ANKRD31: variants seen among roughly 807,000 people sequenced by gnomAD.
ANKRD31 encodes ankyrin repeat domain-containing protein 31.
A neutral mutation model predicts 186.0 loss-of-function variants in ANKRD31; 147 were observed. The observed-to-expected ratio is 0.79, with a 90% CI of 0.69 to 0.91. The LOEUF is 0.91. ANKRD31 is among the 40% of genes least tolerant of loss of function. The probability of loss-of-function intolerance (pLI) is 0.00; values close to 1 mark genes in which losing one functional copy is unlikely to be tolerated. For synonymous variants in ANKRD31, 673 were observed against 736.4 expected (o/e 0.91, Z 1.39); for missense variants, 1,986 against 2,148.8 (o/e 0.92, Z 1.50).
intron 17 of ANKRD31, among the ~76,000 whole-genome samples, chr5:75,118,684 T>C (rs1748500895): frequency 6.6e-6 from 1 of 152,226 alleles, no homozygotes; most frequent in Admixed American, 6.5e-5. Flanking sequence ...ATGTGGCTAA[T>C]GTGACTGAAG....
At chr5:75,156,324 TG>T (rs1281168017) in intron 11 of ANKRD31, among the ~76,000 whole-genome samples, 1 of 152,174 alleles carries the variant, frequency 6.6e-6, no homozygotes, top group African/African-American at 2.4e-5. Context: ...CTGAGATGTG[TG>T]TGTATGTATG....
intron 10 of ANKRD31, among the ~76,000 whole-genome samples, chr5:75,173,335 T>C (rs1753504945): frequency 6.6e-6 from 1 of 152,126 alleles, no homozygotes; most frequent in Non-Finnish European, 1.5e-5. Context: ...ATGATAAGGA[T>C]ACCCTCTCTC....
intron 11 of ANKRD31, among the ~76,000 whole-genome samples, chr5:75,159,248 T>C (rs1334503290): frequency 6.6e-6 from 1 of 152,052 alleles, no homozygotes; most frequent in African/African-American, 2.4e-5. Context: ...AGGGCACCAT[T>C]AAGCACAACA....
In ANKRD31 at chr5:75,211,261, T is replaced by C. The variant is rs935663477; in HGVS notation, c.289-396A>G. 5.3e-5 allele frequency among the ~76,000 whole-genome samples: 8 copies of C among 152,258 alleles called. No individual in the cohort carries two copies. The South Asian group carries it at 1.2e-3, about 24-fold the overall frequency. On this transcript the variant is annotated intron_variant, in intron 3 of 25. Transcript: ENST00000506364. ...GAGATACAAAATTTTAATCATTCTGTGACTAGTTTATTTCACTTAGTATTC... is the reference window on the plus strand; with the variant it reads ...GAGATACAAAATTTTAATCATTCTGCGACTAGTTTATTTCACTTAGTATTC...
intron 23 of ANKRD31, among the ~76,000 whole-genome samples, chr5:75,085,398 T>G (rs1041644878): frequency 6.6e-6 from 1 of 151,720 alleles, no homozygotes; most frequent in Non-Finnish European, 1.5e-5. Context: ...TGAGAGAGTC[T>G]TACTCTGTCA....
chr5:75,184,707 C>CA (rs1561515514), intron 10 of ANKRD31, among the ~76,000 whole-genome samples: 1 of 152,124 alleles, frequency 6.6e-6, no homozygotes, highest in East Asian at 1.9e-4. Context: ...ATTAAAAAGA[C>CA]AAAAGATAAG....
intron 19 of ANKRD31, among the ~76,000 whole-genome samples, chr5:75,116,226 A>C (rs1748242311): frequency 8.0e-6 from 1 of 125,462 alleles, no homozygotes; most frequent in Non-Finnish European, 1.6e-5. Context: ...ACATGGACAC[A>C]GGAAGGGGAA....
At chr5:75,164,941 A>G (rs1485244514) in intron 11 of ANKRD31, among the ~76,000 whole-genome samples, 1 of 152,188 alleles carries the variant, frequency 6.6e-6, no homozygotes, top group South Asian at 2.1e-4. Context: ...TAAATTCCCA[A>G]TGTAAAGTAG....
intron 20 of ANKRD31, among the ~76,000 whole-genome samples, chr5:75,108,286 T>C (rs1034606064): frequency 6.6e-6 from 1 of 152,120 alleles, no homozygotes; most frequent in Non-Finnish European, 1.5e-5. Flanking sequence ...TTGTACTATA[T>C]GATACCTAAG....
rs375626762 is a variant in ANKRD31, at chr5:75,168,970, T to C, written c.1707+9A>G. The C allele has an allele frequency of 3.8e-5, 58 of 1,530,604 alleles. No individual in the cohort carries two copies. Among genetic ancestry groups the C allele is most frequent in the Non-Finnish European group, 5.0e-5 (57 of 1,142,470 alleles). 94.8% of individuals were successfully genotyped at this position (1,530,604 alleles called of 1,614,324 possible). A position where few individuals can be genotyped will look rare whatever the true frequency, so the allele number is the denominator to read the frequency against. On this transcript the variant is annotated intron_variant, in intron 11 of 25. Coordinates refer to ENST00000506364, the MANE Select transcript of ANKRD31 (RefSeq NM_001372053.1). ...AGTATTTGTTCTGCAAATAAAAGCA[T>C]CACAGTACCTTATAATGTCCATTCA...
intron 17 of ANKRD31, among the ~76,000 whole-genome samples, chr5:75,137,551 A>C (rs1750689167): frequency 6.6e-6 from 1 of 152,174 alleles, no homozygotes; most frequent in Non-Finnish European, 1.5e-5. Flanking sequence ...TCTTCTGTGC[A>C]CAACAGCAAA....
rs1347680390 is a variant in ANKRD31 at position 75,147,377 on chromosome 5, T to C, written c.2034A>G (p.Val678=). 7.2e-6 allele frequency: 11 copies of C among 1,527,690 alleles called. No individual in the cohort carries two copies. Among genetic ancestry groups the C allele is most frequent in the Non-Finnish European group, 9.6e-6 (11 of 1,142,932 alleles). 94.6% of individuals were successfully genotyped at this position (1,527,690 alleles called of 1,614,324 possible). ...TGGGATCTTTTTGGTAATATTCATA[T>C]ACATCTTCTTTATTTATAAATAAAC... The part of the protein sequence containing the change: ...KASLFINKED[V]YEYYQKDPKN... The change falls in exon 14 of 26, where the codon GTA becomes GTG. Residue 678 remains valine, a synonymous_variant. Coordinates refer to ENST00000506364, the MANE Select transcript of ANKRD31 (RefSeq NM_001372053.1).
chr5:75,137,847 G>T lies in ANKRD31; in HGVS notation c.3876+9C>A. ...AAGTAGTAAGATCTTAATGTGATGT[G>T]CACTGTACCTTTAAATGATTGTTTG... On this transcript the variant is annotated intron_variant, in intron 17 of 25. Transcript: ENST00000506364. 1 of 1,515,568 alleles carries T rather than the reference G, an allele frequency of 6.6e-7. No homozygotes were observed. The allele number at this position is 1,515,568 out of a possible 1,614,324, so 93.9% of individuals were successfully genotyped here.
intron 13 of ANKRD31, 64 bp downstream of exon 13, chr5:75,148,512 C>A (rs1473439577): frequency 7.7e-6 from 9 of 1,164,764 alleles, no homozygotes; most frequent in Non-Finnish European, 1.1e-5. Context: ...TTCCCTTTGA[C>A]AATCTATGAA....
chr5:75,223,699 C>T (rs1757439154), intron 2 of ANKRD31, among the ~76,000 whole-genome samples: 1 of 152,164 alleles, frequency 6.6e-6, no homozygotes, highest in Admixed American at 6.5e-5. Flanking sequence ...AATGTCTGTG[C>T]ACACCCGCCC....
chr5:75,229,837 C>G (rs1580602525), intron 2 of ANKRD31, among the ~76,000 whole-genome samples: 1 of 139,634 alleles, frequency 7.2e-6, no homozygotes. Context: ...TGCACTCCAG[C>G]CTGGGCGACA....
rs1401840526 is a variant in ANKRD31 at position 75,193,599 on chromosome 5, T to TA, written c.1018-9dup. 1 of 1,514,194 alleles carries TA rather than the reference T, an allele frequency of 6.6e-7. No homozygotes were observed. The highest frequency in any genetic ancestry group is 8.8e-7 in the Non-Finnish European group (1 of 1,134,728). The allele number at this position is 1,514,194 out of a possible 1,614,324, so 93.8% of individuals were successfully genotyped here. ...ATTTGGGTCTTGCAGAGTCTGCAAA[T>TA]ACGTAAATACATCCACAAAAAATTA... On this transcript the variant is annotated splice_polypyrimidine_tract_variant and intron_variant, in intron 7 of 25. Transcript: ENST00000506364.
At chr5:75,096,411 G>A (rs1005203127) in intron 22 of ANKRD31, among the ~76,000 whole-genome samples, 2 of 152,112 alleles carry the variant, frequency 1.3e-5, no homozygotes, top group African/African-American at 4.8e-5. Flanking sequence ...TTCTGGATTA[G>A]ACCTTTGTCA....
intron 15 of ANKRD31, among the ~76,000 whole-genome samples, chr5:75,142,958 G>A (rs1751159648): frequency 6.6e-6 from 1 of 152,102 alleles, no homozygotes; most frequent in Admixed American, 6.6e-5. Flanking sequence ...ACCACAAACT[G>A]GGTGACTTAA....
Sources: allele counts gnomAD v4.1 joint callset (sites outside exome capture counted in the v4.1 genomes callset), GRCh38; gene constraint gnomAD v4.1.1; transcripts MANE v1.5; gene names NCBI Gene and HGNC (gene_info 2026-07-23, HGNC 2026-07-21).